The following DZANK1 variants were observed in gnomAD, a reference collection of about 807,000 sequenced individuals.
The protein encoded by DZANK1 is double zinc ribbon and ankyrin repeat-containing protein 1.
Under a neutral mutation model 94.5 loss-of-function variants are expected in DZANK1, and 91 were observed. The observed-to-expected ratio is 0.96, with a 90% confidence interval of 0.81 to 1.15. The LOEUF (loss-of-function observed/expected upper bound fraction) is 1.15. Among genes scored for constraint, DZANK1 ranks in the 50% most tolerant of loss-of-function variants. The pLI is 0.00. For synonymous variants in DZANK1, 312 were observed against 325.3 expected (o/e 0.96, Z 0.44); for missense variants, 903 against 916.4 (o/e 0.99, Z 0.19).
At chr20:18,412,349 T>C (rs1353305209) in intron 13 of DZANK1, among the ~76,000 whole-genome samples, 5 of 152,130 alleles carry the variant, frequency 3.3e-5, no homozygotes, top group Admixed American at 3.3e-4. Flanking sequence ...CAGATAGCAA[T>C]AGCACTGTGC....
At chr20:18,408,560 A>G (rs932615512) in intron 13 of DZANK1, among the ~76,000 whole-genome samples, 1 of 152,260 alleles carries the variant, frequency 6.6e-6, no homozygotes, top group South Asian at 2.1e-4. Flanking sequence ...TACCTTCAGT[A>G]GCAGGCTTTT....
intron 1 of DZANK1, among the ~76,000 whole-genome samples, chr20:18,466,498 C>G (rs1030958468): frequency 1.3e-5 from 2 of 152,194 alleles, no homozygotes; most frequent in African/African-American, 4.8e-5. Context: ...ACTACAGATA[C>G]TGACAGCACA....
intron 13 of DZANK1, among the ~76,000 whole-genome samples, chr20:18,411,917 C>T (rs1467926578): frequency 6.6e-6 from 1 of 152,116 alleles, no homozygotes; most frequent in Non-Finnish European, 1.5e-5. Flanking sequence ...AGGAGGGCAA[C>T]GTTGTGTCCT....
chr20:18,460,068 T>C (rs1476959269), intron 3 of DZANK1, 85 bp downstream of exon 3: 6 of 1,047,962 alleles, frequency 5.7e-6, no homozygotes, highest in Non-Finnish European at 7.8e-6. Flanking sequence ...AATGCAGCAC[T>C]GATTCTGATA....
At chr20:18,443,387 G>C in exon 8 of DZANK1, 1 of 1,549,536 alleles carries the variant, frequency 6.5e-7, no homozygotes, top group South Asian at 1.2e-5. Flanking sequence ...GCCAAATATG[G>C]GTGGGACAGG....
At chr20:18,431,344 T>C (rs2058277445) in intron 9 of DZANK1, among the ~76,000 whole-genome samples, 1 of 152,124 alleles carries the variant, frequency 6.6e-6, no homozygotes, top group South Asian at 2.1e-4. Context: ...AGAGCGCAGA[T>C]GGTGCTTTTG....
At chr20:18,456,288 A>T (rs1184535236) in intron 3 of DZANK1, among the ~76,000 whole-genome samples, 1 of 152,178 alleles carries the variant, frequency 6.6e-6, no homozygotes, top group Non-Finnish European at 1.5e-5. Context: ...TTCACAATTC[A>T]TCTTGTTCTC....
At chr20:18,419,805 G>A (rs1275148204) in intron 10 of DZANK1, among the ~76,000 whole-genome samples, 1 of 151,642 alleles carries the variant, frequency 6.6e-6, no homozygotes, top group Non-Finnish European at 1.5e-5. Flanking sequence ...TCTGTGTGAA[G>A]GGATATGATA....
intron 10 of DZANK1, among the ~76,000 whole-genome samples, chr20:18,423,247 C>T (rs1244909810): frequency 6.6e-6 from 1 of 152,318 alleles, no homozygotes; most frequent in Admixed American, 6.5e-5. Context: ...ATGATGCTAA[C>T]ACAACAATGA....
intron 19 of DZANK1, among the ~76,000 whole-genome samples, chr20:18,389,441 A>T (rs1022566478): frequency 1.3e-5 from 2 of 152,250 alleles, no homozygotes; most frequent in Non-Finnish European, 2.9e-5. Flanking sequence ...ACACAGTATA[A>T]GTTTATGAAT....
At chr20:18,432,342 T>C (rs11905182) in intron 9 of DZANK1, among the ~76,000 whole-genome samples, 48 of 152,272 alleles carry the variant, frequency 3.2e-4, no homozygotes, top group Middle Eastern at 3.4e-3. Flanking sequence ...TAACACAGGC[T>C]TAAATAAGAG....
At chr20:18,389,007 T>C (rs539505174) in intron 19 of DZANK1, among the ~76,000 whole-genome samples, 2 of 152,212 alleles carry the variant, frequency 1.3e-5, no homozygotes, top group African/African-American at 4.8e-5. Context: ...AGAAGACTCA[T>C]TTCAACAACG....
At chr20:18,401,171 A>G (rs1476399247) in intron 13 of DZANK1, among the ~76,000 whole-genome samples, 1 of 152,180 alleles carries the variant, frequency 6.6e-6, no homozygotes, top group African/African-American at 2.4e-5. Context: ...TCCTGACCTC[A>G]GGTGATCTGC....
chr20:18,427,144 G>A (rs533809526), exon 10 of DZANK1: 26 of 1,612,076 alleles, frequency 1.6e-5, no homozygotes, highest in Admixed American at 1.3e-4. Flanking sequence ...CCACAGGCCC[G>A]GCAAATTACC....
chr20:18,433,664 G>A (rs761133047), exon 9 of DZANK1: 2 of 1,613,830 alleles, frequency 1.2e-6, no homozygotes, highest in Non-Finnish European at 1.7e-6. Flanking sequence ...TCAAGTGGAG[G>A]CTTGCCTGTG....
At position 18,438,829 on chromosome 20, in the gene DZANK1, G is replaced by A. The variant is rs548949861; in HGVS notation, c.747+4518C>T. Among the ~76,000 whole-genome samples the A allele has an allele frequency of 9.2e-5, 14 of 152,322 alleles. No individual in the cohort carries two copies. The South Asian group carries it at 2.5e-3, about 27-fold the overall frequency. On this transcript the variant is annotated intron_variant, in intron 8 of 20. Coordinates refer to ENST00000262547, the Ensembl canonical transcript of DZANK1. Reference sequence around the variant, plus strand: ...CTGCTTCACAGATGGTACCTTCTGTGTCTTCATATGGTGGAAGGCAAACAA... The same window carrying A: ...CTGCTTCACAGATGGTACCTTCTGTATCTTCATATGGTGGAAGGCAAACAA...
chr20:18,388,126 C>T (rs1438404970), intron 19 of DZANK1, among the ~76,000 whole-genome samples: 1 of 152,154 alleles, frequency 6.6e-6, no homozygotes, highest in African/African-American at 2.4e-5. Flanking sequence ...CCTCTACTGG[C>T]ATGCACTGGA....
chr20:18,390,565 T>C (rs1401972403), intron 17 of DZANK1, 106 bp from the exon 18 acceptor site: 6 of 1,035,434 alleles, frequency 5.8e-6, no homozygotes, highest in East Asian at 2.4e-5. Flanking sequence ...CAGGTGACTA[T>C]GAGTGTGTGC....
intron 10 of DZANK1, among the ~76,000 whole-genome samples, chr20:18,417,354 G>A (rs2057542773): frequency 6.6e-6 from 1 of 152,320 alleles, no homozygotes; most frequent in South Asian, 2.1e-4. Flanking sequence ...AATGCCTGAG[G>A]AAAGGATGTC....
Sources: allele counts gnomAD v4.1 joint callset (sites outside exome capture counted in the v4.1 genomes callset), GRCh38; gene constraint gnomAD v4.1.1; transcripts MANE v1.5; gene names NCBI Gene and HGNC (gene_info 2026-07-23, HGNC 2026-07-21).